Variants in SNTG2 observed in about 807,000 individuals in gnomAD.
The protein encoded by SNTG2 is syntrophin gamma 2, also known as gamma-2-syntrophin.
SNTG2 carries 74 observed loss-of-function variants against 70.9 expected under a neutral mutation model. The observed-to-expected ratio is 1.04, with a 90% CI of 0.86 to 1.27. The LOEUF is 1.27. SNTG2 is among the 50% of genes most tolerant of loss of function. The pLI is 0.00. For missense variants in SNTG2, 717 were observed against 690.7 expected (o/e 1.04, Z -0.43); for synonymous variants, 278 against 273.8 (o/e 1.02, Z -0.15).
intron 14 of SNTG2, among the ~76,000 whole-genome samples, chr2:1,296,414 G>A (rs752278781): frequency 3.3e-5 from 5 of 152,234 alleles, no homozygotes; most frequent in African/African-American, 4.8e-5. Flanking sequence ...TTCCCAAGGT[G>A]CCCCTGCCCC....
intron 1 of SNTG2, among the ~76,000 whole-genome samples, chr2:1,079,941 T>G (rs1455525321): frequency 1.3e-5 from 2 of 152,254 alleles, no homozygotes; most frequent in Admixed American, 1.3e-4. Context: ...CTGCACTACC[T>G]GAGCTTCTCT....
intron 1 of SNTG2, among the ~76,000 whole-genome samples, chr2:1,053,107 G>C (rs370953323): frequency 2.0e-5 from 3 of 152,166 alleles, no homozygotes; most frequent in East Asian, 1.9e-4. Context: ...TTATGACCCT[G>C]CGTTTTGTCC....
At chr2:1,162,086 A>AAT (rs1409275236) in intron 6 of SNTG2, among the ~76,000 whole-genome samples, 1 of 151,642 alleles carries the variant, frequency 6.6e-6, no homozygotes, top group Non-Finnish European at 1.5e-5. Flanking sequence ...AAAAAAAAAA[A>AAT]AAAAAAAGTG....
intron 2 of SNTG2, among the ~76,000 whole-genome samples, chr2:1,085,937 T>C (rs1299106696): frequency 6.6e-6 from 1 of 152,260 alleles, no homozygotes; most frequent in Non-Finnish European, 1.5e-5. Context: ...ACACTTGTTA[T>C]GTTAGGTCAC....
chr2:1,201,739 G>A (rs1050707619), intron 8 of SNTG2, among the ~76,000 whole-genome samples: 2 of 151,878 alleles, frequency 1.3e-5, no homozygotes, highest in Non-Finnish European at 2.9e-5. Flanking sequence ...AAAAATGTGT[G>A]AAAATACTAT....
At chr2:954,999 T>G (rs574065874) in intron 1 of SNTG2, among the ~76,000 whole-genome samples, 98 of 152,376 alleles carry the variant, frequency 6.4e-4, no homozygotes, top group African/African-American at 2.0e-3. Context: ...ACTTTGGATT[T>G]AAGAAAGTGA....
At chr2:1,132,517 A>C (rs533875165) in intron 4 of SNTG2, among the ~76,000 whole-genome samples, 1 of 152,102 alleles carries the variant, frequency 6.6e-6, no homozygotes, top group Non-Finnish European at 1.5e-5. Context: ...ATGTTTTGTC[A>C]TGTTATCTTT....
At chr2:1,279,444 C>T (rs576137009) in intron 14 of SNTG2, among the ~76,000 whole-genome samples, 1 of 152,344 alleles carries the variant, frequency 6.6e-6, no homozygotes, top group East Asian at 1.9e-4. Context: ...GGGTTCCTTA[C>T]CTCCATGCTT....
intron 16 of SNTG2, among the ~76,000 whole-genome samples, chr2:1,320,872 C>G (rs1277999980): frequency 6.6e-6 from 1 of 152,172 alleles, no homozygotes; most frequent in Non-Finnish European, 1.5e-5. Flanking sequence ...GGGAGGCCCC[C>G]CCATGTTTCT....
intron 2 of SNTG2, among the ~76,000 whole-genome samples, chr2:1,094,851 G>T (rs1270177699): frequency 1.3e-5 from 1 of 77,284 alleles, no homozygotes; most frequent in Non-Finnish European, 2.4e-5. Context: ...TACTGGCAAG[G>T]GCTGGCTTCC....
At chr2:1,064,385 C>T (rs1425602890) in intron 1 of SNTG2, among the ~76,000 whole-genome samples, 1 of 151,438 alleles carries the variant, frequency 6.6e-6, no homozygotes, top group African/African-American at 2.4e-5. Flanking sequence ...AGCACATATC[C>T]ACATATGTAA....
chr2:1,264,752 G>T (rs182408924), intron 13 of SNTG2, among the ~76,000 whole-genome samples: 2 of 152,226 alleles, frequency 1.3e-5, no homozygotes, highest in East Asian at 3.9e-4. Flanking sequence ...TTAGAGATAG[G>T]ATCTTGCTGT....
At chr2:1,249,351 T>G (rs1337591826) in intron 12 of SNTG2, among the ~76,000 whole-genome samples, 1 of 152,234 alleles carries the variant, frequency 6.6e-6, no homozygotes, top group African/African-American at 2.4e-5. Flanking sequence ...CTTTTACAGA[T>G]GAAGGTCATG....
chr2:1,102,719 AT>A (rs1665860533), intron 4 of SNTG2: 1 of 152,290 alleles, frequency 6.6e-6, no homozygotes, highest in African/African-American at 2.4e-5. Context: ...GGGTAAGAGA[AT>A]TTTTAAAGAG....
At chr2:1,112,732 C>T (rs1352758243) in intron 4 of SNTG2, among the ~76,000 whole-genome samples, 1 of 148,938 alleles carries the variant, frequency 6.7e-6, no homozygotes, top group Non-Finnish European at 1.5e-5. Context: ...TGAGGAGGAT[C>T]GTGTGTACTA....
intron 1 of SNTG2, among the ~76,000 whole-genome samples, chr2:1,032,833 G>A (rs552627503): frequency 2.0e-4 from 31 of 152,178 alleles, no homozygotes; most frequent in Admixed American, 4.6e-4. Context: ...GATCATTCTT[G>A]TGTCACTATA....
At chr2:1,081,956 T>C (rs1248618303) in intron 1 of SNTG2, among the ~76,000 whole-genome samples, 2 of 152,186 alleles carry the variant, frequency 1.3e-5, no homozygotes, top group Admixed American at 1.3e-4. Flanking sequence ...GGTTGTTAAA[T>C]TACCAGATGC....
intron 1 of SNTG2, among the ~76,000 whole-genome samples, chr2:1,019,322 A>C (rs1002080023): frequency 1.3e-5 from 2 of 152,228 alleles, no homozygotes; most frequent in African/African-American, 4.8e-5. Flanking sequence ...TTAGAGCAAG[A>C]GAGGGACTAG....
chr2:990,198 A>G (rs1336516056), intron 1 of SNTG2, among the ~76,000 whole-genome samples: 1 of 152,238 alleles, frequency 6.6e-6, no homozygotes, highest in Non-Finnish European at 1.5e-5. Flanking sequence ...CTGGACGTCC[A>G]TGGCCATTCA....
Sources: allele counts gnomAD v4.1 joint callset (sites outside exome capture counted in the v4.1 genomes callset), GRCh38; gene constraint gnomAD v4.1.1; transcripts MANE v1.5; gene names NCBI Gene and HGNC (gene_info 2026-07-23, HGNC 2026-07-21).